PDE5A: variants seen among roughly 807,000 people sequenced by gnomAD.
PDE5A encodes the protein phosphodiesterase 5A.
In PDE5A, 67 loss-of-function variants were observed where a neutral mutation model predicts 110.2. The observed-to-expected ratio is 0.61, with a 90% confidence interval of 0.50 to 0.75. The LOEUF (loss-of-function observed/expected upper bound fraction) is 0.75. Ranked by LOEUF, PDE5A falls within the 30% of genes least tolerant of loss-of-function variation. PDE5A has a pLI of 0.00. For synonymous variants in PDE5A, 328 were observed against 351.2 expected (o/e 0.93, Z 0.74); for missense variants, 862 against 1,045.1 (o/e 0.82, Z 2.42).
At chr4:119,609,490 C>G (rs1729668330) in intron 1 of PDE5A, among the ~76,000 whole-genome samples, 1 of 152,100 alleles carries the variant, frequency 6.6e-6, no homozygotes, top group African/African-American at 2.4e-5. Context: ...TGAGTCTTTA[C>G]TAAGTCTTTC....
At chr4:119,517,329 A>G (rs1725945571) in intron 14 of PDE5A, among the ~76,000 whole-genome samples, 1 of 152,102 alleles carries the variant, frequency 6.6e-6, no homozygotes, top group South Asian at 2.1e-4. Flanking sequence ...GGGAATATTT[A>G]TGGTACTCAT....
intron 11 of PDE5A, among the ~76,000 whole-genome samples, chr4:119,534,694 T>G (rs745784217): frequency 6.6e-6 from 1 of 152,184 alleles, no homozygotes; most frequent in Non-Finnish European, 1.5e-5. Context: ...ATTTATAATC[T>G]GGCCATCCAT....
chr4:119,503,339 C>G (rs970985264), intron 18 of PDE5A, among the ~76,000 whole-genome samples: 1 of 152,142 alleles, frequency 6.6e-6, no homozygotes, highest in Non-Finnish European at 1.5e-5. Flanking sequence ...TTTTCTGAGC[C>G]TGTATTGCCT....
chr4:119,556,699 A>C (rs1727553028), intron 7 of PDE5A, among the ~76,000 whole-genome samples: 1 of 152,216 alleles, frequency 6.6e-6, no homozygotes, highest in African/African-American at 2.4e-5. Context: ...CATTAGAGAA[A>C]TGAATTCACA....
intron 11 of PDE5A, among the ~76,000 whole-genome samples, chr4:119,534,190 G>T (rs1259285639): frequency 1.3e-5 from 2 of 152,148 alleles, no homozygotes; most frequent in African/African-American, 2.4e-5. Flanking sequence ...TATTGTTTCA[G>T]AGGATTTCTA....
chr4:119,624,713 T>C (rs149656929), intron 1 of PDE5A, among the ~76,000 whole-genome samples: 380 of 152,346 alleles, frequency 2.5e-3, no homozygotes, highest in African/African-American at 8.2e-3. Flanking sequence ...TGATTAGTAA[T>C]TAATGAAAGG....
intron 19 of PDE5A, chr4:119,502,371 A>G: frequency 2.6e-6 from 1 of 389,100 alleles, no homozygotes; most frequent in Non-Finnish European, 4.6e-6. Context: ...CACTGATACA[A>G]TATGATGAAC....
At chr4:119,546,494 T>C (rs972306657) in intron 9 of PDE5A, among the ~76,000 whole-genome samples, 2 of 152,108 alleles carry the variant, frequency 1.3e-5, no homozygotes, top group East Asian at 1.9e-4. Flanking sequence ...ATACCATATT[T>C]TTAATTATTT....
intron 3 of PDE5A, among the ~76,000 whole-genome samples, chr4:119,567,652 A>T (rs1367638412): frequency 1.3e-5 from 2 of 152,186 alleles, no homozygotes; most frequent in African/African-American, 2.4e-5. Flanking sequence ...GTAGGGATGC[A>T]GTCCAACTTC....
At chr4:119,536,355 T>C (rs980363671) in intron 11 of PDE5A, among the ~76,000 whole-genome samples, 2 of 152,086 alleles carry the variant, frequency 1.3e-5, no homozygotes, top group Non-Finnish European at 2.9e-5. Flanking sequence ...ATTTTAGAAA[T>C]AACTTAACCC....
chr4:119,503,385 A>AT (rs918394107), intron 18 of PDE5A, among the ~76,000 whole-genome samples: 7 of 152,044 alleles, frequency 4.6e-5, no homozygotes, highest in African/African-American at 1.4e-4. Flanking sequence ...AGAGGGAAGG[A>AT]TTTTTTTCTA....
At chr4:119,592,178 G>A (rs554817752) in intron 3 of PDE5A, among the ~76,000 whole-genome samples, 16 of 128,704 alleles carry the variant, frequency 1.2e-4, no homozygotes, top group African/African-American at 3.5e-4. Context: ...AAAAAAAGCC[G>A]GGCGTGGTGG....
intron 3 of PDE5A, among the ~76,000 whole-genome samples, chr4:119,588,891 T>C (rs12331968): frequency 0.98 from 148,791 of 152,326 alleles, 72,765 homozygotes; most frequent in East Asian, 1. Context: ...TATCCTAAAT[T>C]CTTGATTTTA....
At chr4:119,550,994 G>C (rs538368957) in intron 9 of PDE5A, among the ~76,000 whole-genome samples, 1 of 152,098 alleles carries the variant, frequency 6.6e-6, no homozygotes, top group Admixed American at 6.5e-5. Flanking sequence ...TTTTTTCTCT[G>C]AGAACTGTAG....
At chr4:119,550,014 A>G (rs1367919904) in intron 9 of PDE5A, 1 of 152,180 alleles carries the variant, frequency 6.6e-6, no homozygotes, top group Non-Finnish European at 1.5e-5. Flanking sequence ...ATAATAGTGG[A>G]ATCTGGTCTA....
chr4:119,605,903 T>C (rs1186962681), intron 2 of PDE5A, among the ~76,000 whole-genome samples: 5 of 152,238 alleles, frequency 3.3e-5, no homozygotes, highest in Non-Finnish European at 5.9e-5. Flanking sequence ...TGAATCTTTA[T>C]AGTGTACCAC....
chr4:119,536,682 C>T (rs996764199), intron 11 of PDE5A, among the ~76,000 whole-genome samples: 34 of 152,158 alleles, frequency 2.2e-4, no homozygotes, highest in African/African-American at 8.2e-4. Context: ...TGGCAAATGA[C>T]TCAGTTTCTT....
Position 119,538,952 on chromosome 4 carries a change from A to G in PDE5A, c.1632+8T>C, listed in dbSNP as rs1167543626. 5 of 1,605,488 alleles carry G rather than the reference A, an allele frequency of 3.1e-6. No homozygotes were observed. The highest frequency in any genetic ancestry group is 2.2e-5 in the East Asian group (1 of 44,794). On this transcript the variant is annotated splice_region_variant and intron_variant, in intron 11 of 20. Coordinates refer to ENST00000354960, the MANE Select transcript of PDE5A (RefSeq NM_001083.4). ...TTAGTAATTTTTAAAAAGAAAGAGG[A>G]TAATTACCGCTAACGACTGTAGCTC... is the stretch of plus-strand genomic sequence containing the variant.
In PDE5A at chr4:119,525,552, A is replaced by G. The variant is rs199971841; in HGVS notation, c.1776T>C (p.His592=). ...LNLVQNFQMK[H]EVLCRWILSV... ...AAGGATGTTGCTGCATTCCTACCTC[A>G]TGTTTCATCTGGAAGTTCTGCACAA... The change falls in exon 12 of 21, where the codon CAT becomes CAC. Residue 592 remains histidine, a synonymous_variant. Transcript: ENST00000354960. This position sits in a 1 kb window ranked among gnomAD's most constrained non-coding sequence, Gnocchi z 4.3. The G allele has an allele frequency of 3.7e-6, 6 of 1,612,606 alleles. No individual in the cohort carries two copies. Among genetic ancestry groups the G allele is most frequent in the East Asian group, 4.5e-5 (2 of 44,834 alleles).
Sources: gnomAD v4.1 joint callset for allele counts (sites outside exome capture counted in the v4.1 genomes callset) on GRCh38, gnomAD v4.1.1 for gene constraint, Gnocchi (gnomAD v3.1) non-coding constraint, MANE v1.5 for transcripts, NCBI Gene and HGNC (gene_info 2026-07-23, HGNC 2026-07-21) for gene names.